The following PCDH9 variants were observed in gnomAD, a reference collection of about 807,000 sequenced individuals.
PCDH9 encodes the protein protocadherin-9.
Under a neutral mutation model 70.6 loss-of-function variants are expected in PCDH9, and 24 were observed. The observed-to-expected ratio is 0.34, with a 90% confidence interval of 0.25 to 0.48. The LOEUF (loss-of-function observed/expected upper bound fraction) is 0.48. Among genes scored for constraint, PCDH9 ranks in the 20% least tolerant of loss-of-function variants. The pLI, the probability that PCDH9 is intolerant of heterozygous loss-of-function variation, is 0.99. For missense variants in PCDH9, 1,281 were observed against 1,503.6 expected, an observed-to-expected ratio of 0.85 and a Z score of 2.45; for synonymous variants, 562 against 558.5, an observed-to-expected ratio of 1.01 and a Z score of -0.09.
chr13:66,945,617 T>A (rs539442017), intron 2 of PCDH9, among the ~76,000 whole-genome samples: 1 of 152,280 alleles, frequency 6.6e-6, no homozygotes, highest in East Asian at 1.9e-4. Flanking sequence ...TTGAAACATA[T>A]TTTTTCTCTG....
At chr13:67,081,650 T>C (rs1274550800) in intron 2 of PCDH9, among the ~76,000 whole-genome samples, 2 of 152,200 alleles carry the variant, frequency 1.3e-5, no homozygotes, top group Non-Finnish European at 2.9e-5. Flanking sequence ...GATGTTACTT[T>C]ATATGGTTAA....
intron 2 of PCDH9, among the ~76,000 whole-genome samples, chr13:66,910,990 A>T (rs897187829): frequency 1.1e-4 from 16 of 152,376 alleles, no homozygotes; most frequent in African/African-American, 3.8e-4. Flanking sequence ...AGATAGCAAT[A>T]GAGTTATATT....
intron 3 of PCDH9, among the ~76,000 whole-genome samples, chr13:66,637,214 C>T (rs902484334): frequency 2.0e-5 from 3 of 152,024 alleles, no homozygotes; most frequent in African/African-American, 4.8e-5. Context: ...GTAAATGGGA[C>T]CCAAAAAGCA....
chr13:66,414,114 G>T (rs925212055), intron 4 of PCDH9, among the ~76,000 whole-genome samples: 1 of 151,924 alleles, frequency 6.6e-6, no homozygotes, highest in Non-Finnish European at 1.5e-5. Flanking sequence ...AAAAATCAAA[G>T]ACTAGACATG....
At chr13:66,904,930 A>G (rs1669315403) in intron 2 of PCDH9, among the ~76,000 whole-genome samples, 1 of 152,020 alleles carries the variant, frequency 6.6e-6, no homozygotes, top group African/African-American at 2.4e-5. Flanking sequence ...TTTTAGCATG[A>G]AAAAATATTT....
intron 4 of PCDH9, among the ~76,000 whole-genome samples, chr13:66,573,546 G>A (rs1032992769): frequency 6.6e-6 from 1 of 152,080 alleles, no homozygotes; most frequent in African/African-American, 2.4e-5. Context: ...TTTCTTGAAA[G>A]AAAAGATTGT....
intron 3 of PCDH9, among the ~76,000 whole-genome samples, chr13:66,781,439 G>C (rs1203461051): frequency 6.6e-6 from 1 of 152,104 alleles, no homozygotes; most frequent in African/African-American, 2.4e-5. Flanking sequence ...TGCCTGACAA[G>C]GTGTTAAAAC....
intron 2 of PCDH9, among the ~76,000 whole-genome samples, chr13:66,933,892 C>CAAA (rs10570715): frequency 9.9e-6 from 1 of 101,306 alleles, no homozygotes. Context: ...ATAAGCTAGG[C>CAAA]AAAAAAAAAA....
At chr13:66,702,037 G>A (rs1041390098) in intron 3 of PCDH9, among the ~76,000 whole-genome samples, 1 of 152,130 alleles carries the variant, frequency 6.6e-6, no homozygotes, top group African/African-American at 2.4e-5. Flanking sequence ...GAGCTGCCCA[G>A]AGTGTATTTT....
intron 4 of PCDH9, among the ~76,000 whole-genome samples, chr13:66,414,992 T>C (rs542808125): frequency 6.6e-6 from 1 of 152,276 alleles, no homozygotes; most frequent in African/African-American, 2.4e-5. Flanking sequence ...AGGAAGATAT[T>C]CATAACTTCT....
In PCDH9 at chr13:66,317,419, C is replaced by A. The variant is rs528148311; in HGVS notation, c.3341-12391G>T. Among the ~76,000 whole-genome samples, 13 of 152,202 alleles carry A rather than the reference C, an allele frequency of 8.5e-5. No individual in the cohort carries two copies. In the South Asian group the frequency reaches 2.7e-3, roughly 32 times the overall value. On this transcript the variant is annotated intron_variant, in intron 4 of 4. Transcript: ENST00000377865. Reference sequence around the variant, plus strand: ...AATGTTCAAGTGAAATTAACAAAGGCAAAATAGCTGCATTCAGATCACTTA... The same window carrying A: ...AATGTTCAAGTGAAATTAACAAAGGAAAAATAGCTGCATTCAGATCACTTA...
intron 3 of PCDH9, among the ~76,000 whole-genome samples, chr13:66,726,502 C>T (rs1593959264): frequency 6.6e-6 from 1 of 152,050 alleles, no homozygotes; most frequent in Non-Finnish European, 1.5e-5. Flanking sequence ...GCACTGTACA[C>T]AAGTCCCTAG....
intron 4 of PCDH9, among the ~76,000 whole-genome samples, chr13:66,471,208 T>C (rs1027944644): frequency 2.0e-5 from 3 of 152,106 alleles, no homozygotes; most frequent in African/African-American, 4.8e-5. Flanking sequence ...AGTTCGTACA[T>C]GCCTTTTTTC....
chr13:67,130,334 A>T (rs898274156), intron 2 of PCDH9, among the ~76,000 whole-genome samples: 17 of 152,178 alleles, frequency 1.1e-4, no homozygotes, highest in African/African-American at 3.9e-4. Context: ...TAAGATGACT[A>T]TCATATATAA....
chr13:67,082,305 G>A (rs531956891), intron 2 of PCDH9, among the ~76,000 whole-genome samples: 33 of 152,190 alleles, frequency 2.2e-4, no homozygotes, highest in Admixed American at 4.6e-4. Context: ...TTATGAATTC[G>A]ACTCTTGGAT....
intron 4 of PCDH9, among the ~76,000 whole-genome samples, chr13:66,430,405 TC>T (rs1384291317): frequency 6.6e-6 from 1 of 152,098 alleles, no homozygotes; most frequent in Non-Finnish European, 1.5e-5. Flanking sequence ...AGAAACTAGC[TC>T]TTCTATTTTC....
chr13:66,424,652 T>C (rs189244464), intron 4 of PCDH9, among the ~76,000 whole-genome samples: 12 of 152,084 alleles, frequency 7.9e-5, no homozygotes, highest in African/African-American at 2.4e-4. Context: ...AAGTTTCCAT[T>C]ACAGTATTCC....
chr13:66,397,705 G>A (rs1957126865), intron 4 of PCDH9, among the ~76,000 whole-genome samples: 1 of 151,014 alleles, frequency 6.6e-6, no homozygotes, highest in African/African-American at 2.4e-5. Flanking sequence ...TGTTCCATAT[G>A]TTCCATGTTA....
chr13:66,467,821 G>C (rs1254766939), intron 4 of PCDH9, among the ~76,000 whole-genome samples: 1 of 152,040 alleles, frequency 6.6e-6, no homozygotes, highest in Non-Finnish European at 1.5e-5. Context: ...TCTTAAAATT[G>C]TATGATACTT....
Sources: gnomAD v4.1 joint callset for allele counts (sites outside exome capture counted in the v4.1 genomes callset) on GRCh38, gnomAD v4.1.1 for gene constraint, MANE v1.5 for transcripts, NCBI Gene and HGNC (gene_info 2026-07-23, HGNC 2026-07-21) for gene names.